Variants in SMAD3 observed in about 807,000 individuals in gnomAD.
SMAD3 encodes the protein MAD homolog 3.
SMAD3 carries 12 observed loss-of-function variants against 51.8 expected under a neutral mutation model. That is an observed-to-expected ratio of 0.23 (90% CI 0.15 to 0.38). SMAD3 has a LOEUF of 0.38. SMAD3 is among the 10% of genes least tolerant of loss of function. The probability of loss-of-function intolerance (pLI) is 1.00; values close to 1 mark genes in which losing one functional copy is unlikely to be tolerated. For synonymous variants in SMAD3, 238 were observed against 227.7 expected (o/e 1.05, Z -0.41); for missense variants, 294 against 565.6 (o/e 0.52, Z 4.87).
At chr15:67,128,721 G>A (rs1358375995) in intron 1 of SMAD3, among the ~76,000 whole-genome samples, 3 of 152,020 alleles carry the variant, frequency 2.0e-5, no homozygotes, top group African/African-American at 4.8e-5. Context: ...GCAGGTGCAC[G>A]CCACCACACC....
intron 1 of SMAD3, among the ~76,000 whole-genome samples, chr15:67,110,890 A>T (rs1960998645): frequency 6.6e-6 from 1 of 152,250 alleles, no homozygotes; most frequent in Non-Finnish European, 1.5e-5. Flanking sequence ...AACATCTTGT[A>T]TTACCATGGT....
chr15:67,084,647 C>T (rs975921633), intron 1 of SMAD3, among the ~76,000 whole-genome samples: 16 of 152,154 alleles, frequency 1.1e-4, no homozygotes, highest in African/African-American at 3.6e-4. Context: ...TGAGGATGGT[C>T]ACACATAGCT....
intron 1 of SMAD3, among the ~76,000 whole-genome samples, chr15:67,134,219 C>T (rs998580126): frequency 6.6e-6 from 1 of 152,046 alleles, no homozygotes; most frequent in African/African-American, 2.4e-5. Flanking sequence ...AAGCCAGTCA[C>T]CCACCACTGC....
chr15:67,145,894 C>G (rs1157954386), intron 1 of SMAD3, among the ~76,000 whole-genome samples: 1 of 152,154 alleles, frequency 6.6e-6, no homozygotes, highest in Non-Finnish European at 1.5e-5. Flanking sequence ...TGGGAAGAAG[C>G]TGGGCTTTAA....
At chr15:67,077,254 T>C (rs1960190792) in intron 1 of SMAD3, among the ~76,000 whole-genome samples, 1 of 152,182 alleles carries the variant, frequency 6.6e-6, no homozygotes, top group South Asian at 2.1e-4. Context: ...TGTATGTATG[T>C]ATGTATTTAT....
At position 67,170,569 on chromosome 15, in the gene SMAD3, C is replaced by G; in HGVS notation, c.623C>G (p.Ser208Cys). The G allele has an allele frequency of 6.2e-7, 1 of 1,614,002 alleles. No homozygotes were observed. The highest frequency in any genetic ancestry group is 1.3e-5 in the African/African-American group (1 of 75,068). ...HSMDAGSPNLSPNPMSPAHNN... is the reference protein window; with the variant it reads ...HSMDAGSPNLCPNPMSPAHNN... ...CACCTCGCAGGTTCTCCAAACCTAT[C>G]CCCGAATCCGATGTCCCCAGCACAT... The change falls in exon 5 of 9, where the codon TCC becomes TGC. Residue 208 changes from serine to cysteine, a missense_variant. Around this residue, in one of 3 missense-constraint regions of SMAD3, gnomAD observed 29 missense variants for 26.7 expected, o/e 1.09. Transcript: ENST00000327367.
intron 1 of SMAD3, among the ~76,000 whole-genome samples, chr15:67,160,536 G>T (rs1157960719): frequency 6.6e-6 from 1 of 152,144 alleles, no homozygotes; most frequent in African/African-American, 2.4e-5. Context: ...ACTTTGGGAG[G>T]CCGAGGCAGG....
intron 1 of SMAD3, among the ~76,000 whole-genome samples, chr15:67,134,924 T>G (rs1961619546): frequency 6.6e-6 from 1 of 152,132 alleles, no homozygotes. Flanking sequence ...CAATGTTTGA[T>G]GAGCCACTGA....
intron 1 of SMAD3, among the ~76,000 whole-genome samples, chr15:67,101,564 A>T (rs767095601): frequency 6.6e-5 from 10 of 152,180 alleles, no homozygotes; most frequent in Non-Finnish European, 1.2e-4. Flanking sequence ...TGATGATGCC[A>T]CTGGAACAGG....
chr15:67,096,640 CT>C (rs532008867), intron 1 of SMAD3, among the ~76,000 whole-genome samples: 531 of 144,242 alleles, frequency 3.7e-3, no homozygotes, highest in Middle Eastern at 0.011. Context: ...ATGATTGATA[CT>C]TTTTTTTTTT....
At chr15:67,072,431 A>G (rs183902905) in intron 1 of SMAD3, among the ~76,000 whole-genome samples, 13 of 152,362 alleles carry the variant, frequency 8.5e-5, no homozygotes, top group Admixed American at 1.3e-4. Flanking sequence ...ATTGCAATTA[A>G]GTTCTCTAAG....
At chr15:67,170,532 C>G in intron 4 of SMAD3, 22 bp from the exon 5 acceptor site, 2 of 1,610,994 alleles carry the variant, frequency 1.2e-6, no homozygotes, top group Non-Finnish European at 1.7e-6. Flanking sequence ...TGTGAAGTCT[C>G]ACAACTTGTC....
intron 1 of SMAD3, among the ~76,000 whole-genome samples, chr15:67,124,986 C>T (rs1162295012): frequency 6.6e-6 from 1 of 152,214 alleles, no homozygotes; most frequent in East Asian, 1.9e-4. Context: ...ACAAGCGTAA[C>T]CACTGTGAGG....
chr15:67,082,878 T>C (rs1420122621), intron 1 of SMAD3, among the ~76,000 whole-genome samples: 2 of 152,232 alleles, frequency 1.3e-5, no homozygotes, highest in Admixed American at 1.3e-4. Flanking sequence ...TTTTGAGGTC[T>C]TCTTGTTTTT....
At chr15:67,124,914 C>G (rs904342290) in intron 1 of SMAD3, among the ~76,000 whole-genome samples, 2 of 152,236 alleles carry the variant, frequency 1.3e-5, no homozygotes, top group Non-Finnish European at 2.9e-5. Context: ...TTTCATCAGT[C>G]TTGGAGTCAG....
At chr15:67,123,188 CAAAAAAAAAAAAAA>C (rs34458678) in intron 1 of SMAD3, among the ~76,000 whole-genome samples, 1 of 93,794 alleles carries the variant, frequency 1.1e-5, no homozygotes, top group Non-Finnish European at 2.1e-5. Context: ...GACCCTGTCT[CAAAAAAAAAAAAAA>C]AAAAAAAAAT....
At chr15:67,162,062 G>C (rs368188704) in intron 1 of SMAD3, among the ~76,000 whole-genome samples, 8 of 152,306 alleles carry the variant, frequency 5.3e-5, no homozygotes, top group African/African-American at 1.9e-4. Flanking sequence ...GATGCCCTTA[G>C]TCAGCAGCTC....
chr15:67,068,922 G>A (rs1174362686), intron 1 of SMAD3, among the ~76,000 whole-genome samples: 1 of 152,178 alleles, frequency 6.6e-6, no homozygotes, highest in Non-Finnish European at 1.5e-5. Context: ...CTTTTAGTTT[G>A]GAAAGTAGAG....
At chr15:67,146,485 C>G (rs1182318861) in intron 1 of SMAD3, among the ~76,000 whole-genome samples, 1 of 152,136 alleles carries the variant, frequency 6.6e-6, no homozygotes, top group Admixed American at 6.5e-5. Flanking sequence ...AGTGTGGAGG[C>G]TGGAGGGGGC....
Sources: gnomAD v4.1 joint callset for allele counts (sites outside exome capture counted in the v4.1 genomes callset) on GRCh38, gnomAD v4.1.1 for gene constraint, gnomAD v4.1.1 regional missense constraint, MANE v1.5 for transcripts, NCBI Gene and HGNC (gene_info 2026-07-23, HGNC 2026-07-21) for gene names.